The following SLFN5 variants were observed in gnomAD, a reference collection of about 807,000 sequenced individuals.
SLFN5 encodes the protein schlafen family member 5.
A neutral mutation model predicts 48.5 loss-of-function variants in SLFN5; 34 were observed. That is an observed-to-expected ratio of 0.70 (90% CI 0.53 to 0.93). The LOEUF (loss-of-function observed/expected upper bound fraction) is 0.93. Ranked by LOEUF, SLFN5 falls within the 40% of genes least tolerant of loss-of-function variation. The pLI, the probability that SLFN5 is intolerant of heterozygous loss-of-function variation, is 0.00. For missense variants in SLFN5, 1,006 were observed against 1,071.3 expected (o/e 0.94, Z 0.85); for synonymous variants, 387 against 396.2 (o/e 0.98, Z 0.28).
chr17:35,246,044 A>G (rs1271131760), intron 1 of SLFN5, among the ~76,000 whole-genome samples: 1 of 152,212 alleles, frequency 6.6e-6, no homozygotes, highest in Non-Finnish European at 1.5e-5. Flanking sequence ...ATAGATGTGT[A>G]GTGGTATCTC....
chr17:35,256,238 A>G (rs1429043282), intron 1 of SLFN5, among the ~76,000 whole-genome samples: 3 of 152,312 alleles, frequency 2.0e-5, no homozygotes, highest in African/African-American at 7.2e-5. Context: ...AGGCACCTGT[A>G]GTCCCAGATC....
In SLFN5 at chr17:35,270,642, G is replaced by C. The variant is rs936675760; in HGVS notation, c.*4754G>C. 3 of 152,174 alleles carry C rather than the reference G, an allele frequency of 2.0e-5. No homozygotes were observed. Among genetic ancestry groups the C allele is most frequent in the African/African-American group, 7.2e-5 (3 of 41,422 alleles). 9.4% of individuals were successfully genotyped at this position (152,174 alleles called of 1,614,324 possible). A position where few individuals can be genotyped will look rare whatever the true frequency, so the allele number is the denominator to read the frequency against. ...TAGAACTAAAAAACCCATACCTCAG[G>C]GTTTGTCAGCATTGGCACTGCTGGC... On this transcript the variant is annotated 3_prime_UTR_variant, in exon 5 of 5. Transcript: ENST00000299977.
Position 35,271,612 on chromosome 17 carries a change from C to A in SLFN5, c.*5724C>A, listed in dbSNP as rs1296614860. Reference sequence around the variant, plus strand: ...GAACTTAAACAGATAAAAAGCAGACCACGTTTTTGGATAAGAAGATTAAAA... The same window carrying A: ...GAACTTAAACAGATAAAAAGCAGACAACGTTTTTGGATAAGAAGATTAAAA... On this transcript the variant is annotated 3_prime_UTR_variant, in exon 5 of 5. Transcript: ENST00000299977. 2 of 152,032 alleles carry A rather than the reference C, an allele frequency of 1.3e-5. No homozygotes were observed. Among genetic ancestry groups the A allele is most frequent in the South Asian group, 2.1e-4 (1 of 4,830 alleles). The allele number at this position is 152,032 out of a possible 1,614,324, so 9.4% of individuals were successfully genotyped here.
intron 2 of SLFN5, 74 bp downstream of exon 2, chr17:35,259,776 G>A: frequency 1.3e-6 from 2 of 1,495,512 alleles, no homozygotes; most frequent in Non-Finnish European, 1.8e-6. Context: ...AGGAAAGAGG[G>A]ATATGGTATT....
chr17:35,259,756 C>A (rs773403453), intron 2 of SLFN5, 54 bp downstream of exon 2: 2 of 1,571,238 alleles, frequency 1.3e-6, no homozygotes, highest in Admixed American at 3.4e-5. Context: ...CAAGGCAGGG[C>A]GGGTCAGAGA....
chr17:35,273,380 C>T lies in SLFN5; in HGVS notation c.*7492C>T, dbSNP rs1479479351. 1 of 152,108 alleles carries T rather than the reference C, an allele frequency of 6.6e-6. No individual in the cohort carries two copies. The highest frequency in any genetic ancestry group is 1.5e-5 in the Non-Finnish European group (1 of 68,012). 9.4% of individuals were successfully genotyped at this position (152,108 alleles called of 1,614,324 possible). On this transcript the variant is annotated 3_prime_UTR_variant, in exon 5 of 5. Coordinates refer to ENST00000299977, the MANE Select transcript of SLFN5 (RefSeq NM_144975.4). ...TTTATGACTTTTGGATTCTGTACCA[C>T]GTAATAATTTTGATGTAAATTTTGC...
chr17:35,265,910 A>G lies in SLFN5; in HGVS notation c.*22A>G. On this transcript the variant is annotated 3_prime_UTR_variant, in exon 5 of 5. Transcript: ENST00000299977. Reference sequence around the variant, plus strand: ...GTGACAGGAAACCCAAGCCTAAGAAACAATTAAGTGGTTCTCATCTCTAAT... The same window carrying G: ...GTGACAGGAAACCCAAGCCTAAGAAGCAATTAAGTGGTTCTCATCTCTAAT... 2.6e-6 allele frequency: 4 copies of G among 1,553,958 alleles called. No individual in the cohort carries two copies. Among genetic ancestry groups the G allele is most frequent in the Non-Finnish European group, 3.5e-6 (4 of 1,153,696 alleles).
intron 1 of SLFN5, among the ~76,000 whole-genome samples, chr17:35,243,535 T>C (rs1445565378): frequency 2.6e-5 from 4 of 152,244 alleles, no homozygotes; most frequent in Admixed American, 1.3e-4. Context: ...GGTTGTGGCC[T>C]GGGGACAAAT....
At position 35,267,682 on chromosome 17, in the gene SLFN5, T is replaced by C. The variant is rs1044643536; in HGVS notation, c.*1794T>C. ...TTACAGTGAGCTATGATCATACCAGTGCACTCCAGTCTGGGTGACAGAACA... is the reference window on the plus strand; with the variant it reads ...TTACAGTGAGCTATGATCATACCAGCGCACTCCAGTCTGGGTGACAGAACA... On this transcript the variant is annotated 3_prime_UTR_variant, in exon 5 of 5. Transcript: ENST00000299977. 2 of 152,040 alleles carry C rather than the reference T, an allele frequency of 1.3e-5. No homozygotes were observed. Among genetic ancestry groups the C allele is most frequent in the Admixed American group, 6.6e-5 (1 of 15,252 alleles). 9.4% of individuals were successfully genotyped at this position (152,040 alleles called of 1,614,324 possible). A position where few individuals can be genotyped will look rare whatever the true frequency, so the allele number is the denominator to read the frequency against.
In SLFN5 at chr17:35,264,184, AT is replaced by A. The variant is rs1288335904; in HGVS notation, c.1144del (p.Ser382GlnfsTer25). ...KEQQKRYFPV[F>X]SDRVVYTPES... The stretch of plus-strand genomic sequence containing the variant: ...TCTTCCCATCCTTTCCCTGTCTAGT[AT>A]TTTCAGACAGAGTGGTATATACTCC... On this transcript the variant is annotated frameshift_variant and splice_region_variant, in exon 4 of 5. Coordinates refer to ENST00000299977, the MANE Select transcript of SLFN5 (RefSeq NM_144975.4). LOFTEE classifies it high-confidence loss of function. 4 of 1,579,886 alleles carry A rather than the reference AT, an allele frequency of 2.5e-6. No individual in the cohort carries two copies. In the South Asian group the frequency reaches 4.7e-5, roughly 18 times the overall value.
chr17:35,246,946 T>C (rs2092432223), intron 1 of SLFN5, among the ~76,000 whole-genome samples: 1 of 152,212 alleles, frequency 6.6e-6, no homozygotes, highest in East Asian at 1.9e-4. Flanking sequence ...CTTATATTTT[T>C]CTCTAGAAAT....
chr17:35,263,929 T>C (rs1371590507), intron 3 of SLFN5, among the ~76,000 whole-genome samples: 1 of 152,218 alleles, frequency 6.6e-6, no homozygotes, highest in African/African-American at 2.4e-5. Flanking sequence ...GTACCTTTCC[T>C]TGGTATTCAC....
chr17:35,259,248 A>T lies in SLFN5; in HGVS notation c.558A>T (p.Lys186Asn). The T allele has an allele frequency of 6.2e-7, 1 of 1,613,710 alleles. No individual in the cohort carries two copies. Among genetic ancestry groups the T allele is most frequent in the Non-Finnish European group, 8.5e-7 (1 of 1,179,938 alleles). The change falls in exon 2 of 5, where the codon AAA becomes AAT. Residue 186 changes from lysine to asparagine, a missense_variant. By Grantham distance (94) the Lys-to-Asn change is moderately conservative. Transcript: ENST00000299977. The part of the protein sequence containing the change: ...FDRKRLQYLE[K>N]LNLPESTHVE... ...GAAAGCGGCTTCAGTATCTGGAAAAACTCAACCTTCCTGAGTCCACACATG... is the reference window on the plus strand; with the variant it reads ...GAAAGCGGCTTCAGTATCTGGAAAATCTCAACCTTCCTGAGTCCACACATG...
Position 35,259,477 on chromosome 17 carries a change from C to A in SLFN5, c.787C>A (p.Pro263Thr). The change falls in exon 2 of 5, where the codon CCT becomes ACT. Residue 263 changes from proline (P) to threonine (T), a missense_variant. Pro to Thr is a conservative substitution (Grantham distance 38). Transcript: ENST00000299977. The stretch of plus-strand genomic sequence containing the variant: ...TATTGATGGCTGTATTAAGAAGCTA[C>A]CTGTCCATCATTTCTGCACACAGAG... ...ASIDGCIKKL[P>T]VHHFCTQRPE... 6.2e-7 allele frequency: 1 copy of A among 1,614,116 alleles called. No individual in the cohort carries two copies. Among genetic ancestry groups the A allele is most frequent in the South Asian group, 1.1e-5 (1 of 91,086 alleles).
chr17:35,253,884 G>A (rs1353232388), intron 1 of SLFN5, among the ~76,000 whole-genome samples: 1 of 151,228 alleles, frequency 6.6e-6, no homozygotes, highest in African/African-American at 2.4e-5. Context: ...TTTTCGTAGA[G>A]ATGGGATTTC....
At chr17:35,262,490 A>G (rs1353332922) in intron 3 of SLFN5, among the ~76,000 whole-genome samples, 3 of 152,158 alleles carry the variant, frequency 2.0e-5, no homozygotes, top group African/African-American at 7.2e-5. Flanking sequence ...ATACCCAAAT[A>G]CACTTTGACC....
Position 35,265,477 on chromosome 17 carries a change from A to C in SLFN5, c.2265A>C (p.Pro755=). ...LYEPKWAQGV[P]GNLEIIEDLN... ...AACCTAAATGGGCTCAAGGTGTCCC[A>C]GGCAACTTAGAGATTATTGAAGACT... The change falls in exon 5 of 5, where the codon CCA becomes CCC. Residue 755 remains proline, a synonymous_variant. Transcript: ENST00000299977. The C allele has an allele frequency of 6.2e-7, 1 of 1,614,242 alleles. No individual in the cohort carries two copies. The highest frequency in any genetic ancestry group is 8.5e-7 in the Non-Finnish European group (1 of 1,180,050).
At chr17:35,250,533 G>A (rs912742650) in intron 1 of SLFN5, among the ~76,000 whole-genome samples, 31 of 152,066 alleles carry the variant, frequency 2.0e-4, no homozygotes, top group African/African-American at 6.3e-4. Context: ...GGTGGCGGGC[G>A]CCTGTAGTCC....
intron 1 of SLFN5, among the ~76,000 whole-genome samples, chr17:35,254,815 G>A (rs1017001150): frequency 9.9e-5 from 15 of 152,240 alleles, no homozygotes; most frequent in East Asian, 5.8e-4. Context: ...TCAGGAGTTC[G>A]AGACCAGCCT....
Sources: allele counts gnomAD v4.1 joint callset (sites outside exome capture counted in the v4.1 genomes callset), GRCh38; gene constraint gnomAD v4.1.1; transcripts MANE v1.5; gene names NCBI Gene and HGNC (gene_info 2026-07-23, HGNC 2026-07-21).